Variants in NFIB observed in about 807,000 individuals in gnomAD.
NFIB encodes the protein nuclear factor I B, also known as nuclear factor 1 B-type.
A neutral mutation model predicts 61.5 loss-of-function variants in NFIB; 11 were observed. That is an observed-to-expected ratio of 0.18 (90% CI 0.11 to 0.30). The LOEUF is 0.30. NFIB is among the 10% of genes least tolerant of loss of function. The pLI is 1.00. For synonymous variants in NFIB, 260 were observed against 216.5 expected, an observed-to-expected ratio of 1.20 and a Z score of -1.76; for missense variants, 471 against 608.9, an observed-to-expected ratio of 0.77 and a Z score of 2.38.
At chr9:14,518,589 C>T in the NFIB span, among the ~76,000 whole-genome samples, 1 of 151,822 alleles carries the variant, frequency 6.6e-6, no homozygotes, top group Non-Finnish European at 1.5e-5. Flanking sequence ...TTAGGTCCAC[C>T]TTCCATCCCT....
chr9:14,277,489 C>A (rs746328918), intron 2 of NFIB, among the ~76,000 whole-genome samples: 92 of 152,336 alleles, frequency 6.0e-4, no homozygotes, highest in Admixed American at 1.7e-3. Context: ...GACAGACGCA[C>A]AAGCATGTAC....
At chr9:14,105,644 T>G (rs1475258904) in intron 10 of NFIB, among the ~76,000 whole-genome samples, 6 of 152,292 alleles carry the variant, frequency 3.9e-5, no homozygotes, top group African/African-American at 1.4e-4. Context: ...ATCATTAAAA[T>G]AGAAATCACT....
At chr9:14,407,861 A>T in the NFIB span, among the ~76,000 whole-genome samples, 1 of 151,908 alleles carries the variant, frequency 6.6e-6, no homozygotes. Context: ...AATTTTAAAA[A>T]TTTTTGCAGA....
chr9:14,311,504 G>C (rs1454793049), intron 1 of NFIB, among the ~76,000 whole-genome samples: 1 of 151,834 alleles, frequency 6.6e-6, no homozygotes, highest in Non-Finnish European at 1.5e-5. Context: ...CATAAGCCTA[G>C]ATTTATATTA....
intron 2 of NFIB, among the ~76,000 whole-genome samples, chr9:14,291,581 T>C: frequency 6.6e-6 from 1 of 152,176 alleles, no homozygotes; most frequent in South Asian, 2.1e-4. Context: ...ATTAAACTAA[T>C]AAAAAAATTC....
the NFIB span, among the ~76,000 whole-genome samples, chr9:14,528,663 T>C: frequency 1.3e-5 from 2 of 152,126 alleles, no homozygotes; most frequent in East Asian, 1.9e-4. Flanking sequence ...TTTATGAAAG[T>C]TGGAGAAAAA....
intron 2 of NFIB, among the ~76,000 whole-genome samples, chr9:14,297,292 G>A (rs148173564): frequency 1.2e-3 from 180 of 152,248 alleles, no homozygotes; most frequent in African/African-American, 4.2e-3. Flanking sequence ...CTAATGAACC[G>A]GCAGAAAGGC....
At chr9:14,095,660 T>C (rs1047331269) in intron 10 of NFIB, among the ~76,000 whole-genome samples, 5 of 152,126 alleles carry the variant, frequency 3.3e-5, no homozygotes, top group Admixed American at 2.0e-4. Flanking sequence ...ATAAGTTTTA[T>C]ACAAAGCAAA....
At chr9:14,305,976 A>G in intron 2 of NFIB, 1 of 1,359,790 alleles carries the variant, frequency 7.4e-7, no homozygotes, top group Non-Finnish European at 9.7e-7. Flanking sequence ...ATGCAAGGAC[A>G]TCTATATCTT....
At chr9:14,296,662 C>T (rs1294365976) in intron 2 of NFIB, among the ~76,000 whole-genome samples, 1 of 152,204 alleles carries the variant, frequency 6.6e-6, no homozygotes, top group African/African-American at 2.4e-5. Context: ...CGGAAGAGAG[C>T]CCTCGCTGGA....
the NFIB span, among the ~76,000 whole-genome samples, chr9:14,430,890 C>T: frequency 6.6e-6 from 1 of 152,052 alleles, no homozygotes; most frequent in Non-Finnish European, 1.5e-5. Context: ...CCCTGAAATG[C>T]TTTATAATTG....
the NFIB span, among the ~76,000 whole-genome samples, chr9:14,424,877 A>T: frequency 6.6e-6 from 1 of 152,156 alleles, no homozygotes; most frequent in African/African-American, 2.4e-5. Flanking sequence ...CAAGAAGAGG[A>T]AGTGGGAAGG....
rs1454392894 is a variant in NFIB at position 14,087,541 on chromosome 9, T to C, written c.*768A>G. 4.4e-6 allele frequency: 1 copy of C among 227,364 alleles called. No homozygotes were observed. The highest frequency in any genetic ancestry group is 2.2e-5 in the African/African-American group (1 of 44,998). 14.1% of individuals were successfully genotyped at this position (227,364 alleles called of 1,614,324 possible). A position where few individuals can be genotyped will look rare whatever the true frequency, so the allele number is the denominator to read the frequency against. ...ATAGAGGCATTTCTTCCATAGAGCC[T>C]TTGTGTTCAAACTGTTTTTTTCCTT... On this transcript the variant is annotated 3_prime_UTR_variant, in exon 11 of 11. Coordinates refer to ENST00000380953, the MANE Select transcript of NFIB (RefSeq NM_001190737.2).
At chr9:14,436,895 TGAATAGAGA>T in the NFIB span, among the ~76,000 whole-genome samples, 57 of 152,180 alleles carry the variant, frequency 3.7e-4, 1 homozygote, top group African/African-American at 1.3e-3. Flanking sequence ...GAGACACAGA[TGAATAGAGA>T]TAATATATGA....
At chr9:14,128,161 T>C (rs1409570048) in intron 6 of NFIB, among the ~76,000 whole-genome samples, 2 of 152,136 alleles carry the variant, frequency 1.3e-5, no homozygotes, top group Non-Finnish European at 2.9e-5. Context: ...ATCATAGACA[T>C]ACAGATTATT....
At chr9:14,471,595 G>A in the NFIB span, among the ~76,000 whole-genome samples, 9 of 152,192 alleles carry the variant, frequency 5.9e-5, no homozygotes, top group Non-Finnish European at 1.2e-4. Context: ...TTTGGATGGT[G>A]GATACCTTAG....
At chr9:14,273,551 G>A (rs1588064902) in intron 2 of NFIB, among the ~76,000 whole-genome samples, 1 of 152,058 alleles carries the variant, frequency 6.6e-6, no homozygotes, top group Non-Finnish European at 1.5e-5. Flanking sequence ...AGACAAGCTG[G>A]TCAGGCACGC....
the NFIB span, among the ~76,000 whole-genome samples, chr9:14,422,485 C>A: frequency 6.6e-6 from 1 of 152,122 alleles, no homozygotes; most frequent in Admixed American, 6.5e-5. Flanking sequence ...TGCCAAAGCC[C>A]CCGTATTAGC....
intron 1 of NFIB, among the ~76,000 whole-genome samples, chr9:14,391,942 C>G (rs776319300): frequency 6.6e-6 from 1 of 152,114 alleles, no homozygotes; most frequent in East Asian, 1.9e-4. Flanking sequence ...TACTTCTGGC[C>G]GTCAGCTGAA....
Sources: gnomAD v4.1 joint callset for allele counts (sites outside exome capture counted in the v4.1 genomes callset) on GRCh38, gnomAD v4.1.1 for gene constraint, MANE v1.5 for transcripts, NCBI Gene and HGNC (gene_info 2026-07-23, HGNC 2026-07-21) for gene names.